The following ERBB4 variants were observed in gnomAD, a reference collection of about 807,000 sequenced individuals.
The protein encoded by ERBB4 is erb-b2 receptor tyrosine kinase 4, also known as receptor tyrosine-protein kinase erbB-4.
Under a neutral mutation model 158.0 loss-of-function variants are expected in ERBB4, and 42 were observed. The ratio of observed to expected loss-of-function variants is 0.27; its 90% CI spans 0.21 to 0.34. The LOEUF is 0.34. Among genes scored for constraint, ERBB4 ranks in the 10% least tolerant of loss-of-function variants. The pLI is 1.00. For missense variants in ERBB4, 1,333 were observed against 1,624.1 expected (o/e 0.82, Z 3.08); for synonymous variants, 583 against 558.7 (o/e 1.04, Z -0.61).
At chr2:212,048,955 C>T (rs927752930) in intron 2 of ERBB4, among the ~76,000 whole-genome samples, 10 of 152,094 alleles carry the variant, frequency 6.6e-5, no homozygotes, top group Admixed American at 1.3e-4. Context: ...TGGAAGAGAA[C>T]CCAGAGCTGA....
chr2:211,501,249 T>C (rs2065606900), intron 20 of ERBB4, among the ~76,000 whole-genome samples: 1 of 151,998 alleles, frequency 6.6e-6, no homozygotes, highest in Admixed American at 6.5e-5. Flanking sequence ...TACAAAAATA[T>C]ATTTAGATGG....
chr2:212,446,995 C>CTTTTTTTTTTT (rs771259936), intron 1 of ERBB4, among the ~76,000 whole-genome samples: 1 of 136,612 alleles, frequency 7.3e-6, no homozygotes. Context: ...CCAAATTTTT[C>CTTTTTTTTTTT]TTTTTTTTTT....
At position 211,387,017 on chromosome 2, in the gene ERBB4, C is replaced by A; in HGVS notation, c.3317G>T (p.Cys1106Phe). ...TGGCTTGCGTAGGGTGCCATTACAGCAGGAGTCATCAAAAATCTCAGCAGT... is the reference window on the plus strand; with the variant it reads ...TGGCTTGCGTAGGGTGCCATTACAGAAGGAGTCATCAAAAATCTCAGCAGT... ...GATAEIFDDS[C>F]CNGTLRKPVA... is the part of the protein sequence containing the mutation. Residue 1106 changes from cysteine (C) to phenylalanine (F), a missense_variant, in exon 27 of 28, where the codon TGC (cysteine) becomes TTC (phenylalanine). Physicochemically the swap from Cys to Phe is radical, Grantham distance 205. Around this residue, in one of 5 missense-constraint regions of ERBB4, gnomAD observed 252 missense variants for 241.3 expected, o/e 1.04. Coordinates refer to ENST00000342788, the MANE Select transcript of ERBB4 (RefSeq NM_005235.3). The A allele has an allele frequency of 6.2e-7, 1 of 1,614,050 alleles. No homozygotes were observed. The highest frequency in any genetic ancestry group is 8.5e-7 in the Non-Finnish European group (1 of 1,180,010).
At chr2:211,471,700 G>A (rs1482324430) in intron 20 of ERBB4, among the ~76,000 whole-genome samples, 1 of 152,106 alleles carries the variant, frequency 6.6e-6, no homozygotes, top group African/African-American at 2.4e-5. Flanking sequence ...AAAATGAGAA[G>A]GTGGTTGAAC....
chr2:211,950,221 G>A (rs1310917291), intron 2 of ERBB4, among the ~76,000 whole-genome samples: 1 of 152,140 alleles, frequency 6.6e-6, no homozygotes, highest in Non-Finnish European at 1.5e-5. Flanking sequence ...AGCAGATTGT[G>A]CCACCAATGT....
chr2:211,913,906 A>G (rs2079611575), intron 3 of ERBB4, among the ~76,000 whole-genome samples: 1 of 151,806 alleles, frequency 6.6e-6, no homozygotes, highest in East Asian at 1.9e-4. Flanking sequence ...ATAAAACAAT[A>G]GAAAATAGGT....
intron 17 of ERBB4, among the ~76,000 whole-genome samples, chr2:211,629,738 T>A (rs1301107954): frequency 6.6e-6 from 1 of 151,886 alleles, no homozygotes; most frequent in Non-Finnish European, 1.5e-5. Flanking sequence ...TCAGAAATAA[T>A]GCCGCCTATC....
chr2:211,562,655 T>C (rs754278971), intron 19 of ERBB4, among the ~76,000 whole-genome samples: 2 of 152,170 alleles, frequency 1.3e-5, no homozygotes, highest in Non-Finnish European at 1.5e-5. Flanking sequence ...AGATATTTTG[T>C]TTCATAATTT....
At chr2:211,544,339 C>CT (rs1005203549) in intron 20 of ERBB4, among the ~76,000 whole-genome samples, 5 of 151,988 alleles carry the variant, frequency 3.3e-5, no homozygotes, top group African/African-American at 1.2e-4. Flanking sequence ...GAAATAAGAG[C>CT]TTTTTTCCAA....
chr2:212,487,774 T>G (rs1187742225), intron 1 of ERBB4, among the ~76,000 whole-genome samples: 1 of 152,156 alleles, frequency 6.6e-6, no homozygotes, highest in Non-Finnish European at 1.5e-5. Context: ...TATCAAGCAT[T>G]GAGCTTAGCC....
At chr2:211,697,144 A>G (rs768534754) in intron 12 of ERBB4, among the ~76,000 whole-genome samples, 2 of 152,214 alleles carry the variant, frequency 1.3e-5, no homozygotes, top group Non-Finnish European at 2.9e-5. Context: ...ATTATACTTT[A>G]CAGGGTGGTT....
At chr2:212,298,577 T>G (rs1242606175) in intron 1 of ERBB4, among the ~76,000 whole-genome samples, 1 of 151,676 alleles carries the variant, frequency 6.6e-6, no homozygotes, top group East Asian at 2.0e-4. Context: ...TAGTACTTCT[T>G]CCCTATTTTA....
At chr2:211,701,440 AT>A (rs2073234655) in intron 12 of ERBB4, among the ~76,000 whole-genome samples, 2 of 152,220 alleles carry the variant, frequency 1.3e-5, no homozygotes, top group Non-Finnish European at 2.9e-5. Flanking sequence ...CTGAATCCAA[AT>A]CTCCACAGGA....
chr2:211,562,163 T>C (rs2067414235), intron 19 of ERBB4, 75 bp from the exon 20 acceptor site: 1 of 1,253,042 alleles, frequency 8.0e-7, no homozygotes, highest in Non-Finnish European at 1.2e-6. Flanking sequence ...ATTGTACTAA[T>C]GGTGCTGATG....
At chr2:212,221,487 C>T (rs1240396022) in intron 1 of ERBB4, among the ~76,000 whole-genome samples, 1 of 151,476 alleles carries the variant, frequency 6.6e-6, no homozygotes, top group Non-Finnish European at 1.5e-5. Context: ...GGAATACAGA[C>T]ATCTCACTGA....
intron 1 of ERBB4, among the ~76,000 whole-genome samples, chr2:212,475,472 G>C (rs1306741252): frequency 6.6e-6 from 1 of 152,090 alleles, no homozygotes; most frequent in African/African-American, 2.4e-5. Flanking sequence ...TCCATTTGCT[G>C]ATCAAATCCT....
At chr2:212,434,985 C>CA (rs2092106188) in intron 1 of ERBB4, among the ~76,000 whole-genome samples, 1 of 151,928 alleles carries the variant, frequency 6.6e-6, no homozygotes, top group Non-Finnish European at 1.5e-5. Context: ...AAGCTGAACT[C>CA]AAGCTTTTTT....
Position 211,570,047 on chromosome 2 carries a change from G to A in ERBB4, c.2302-7959C>T, listed in dbSNP as rs573696173. Among the ~76,000 whole-genome samples the A allele has an allele frequency of 7.2e-5, 11 of 152,318 alleles. No individual in the cohort carries two copies. The South Asian group carries it at 8.3e-4, about 11-fold the overall frequency. On this transcript the variant is annotated intron_variant, in intron 19 of 27. Coordinates refer to ENST00000342788, the MANE Select transcript of ERBB4 (RefSeq NM_005235.3). ...ACCATTCTCAAACTTTCAAATGTTA[G>A]AGAAAGGCACAGATTCATGAGATTT...
chr2:211,504,982 T>C (rs763438951), intron 20 of ERBB4, among the ~76,000 whole-genome samples: 4 of 152,132 alleles, frequency 2.6e-5, no homozygotes, highest in Non-Finnish European at 5.9e-5. Flanking sequence ...CTTAAAAACA[T>C]TCTTGAGGGA....
Sources: gnomAD v4.1 joint callset for allele counts (sites outside exome capture counted in the v4.1 genomes callset) on GRCh38, gnomAD v4.1.1 for gene constraint, gnomAD v4.1.1 regional missense constraint, MANE v1.5 for transcripts, NCBI Gene and HGNC (gene_info 2026-07-23, HGNC 2026-07-21) for gene names.